KIF16B: variants seen among roughly 807,000 people sequenced by gnomAD.
KIF16B encodes kinesin-like protein KIF16B.
A neutral mutation model predicts 156.3 loss-of-function variants in KIF16B; 98 were observed. The ratio of observed to expected loss-of-function variants is 0.63; its 90% CI spans 0.53 to 0.74. The LOEUF (loss-of-function observed/expected upper bound fraction) is 0.74, where lower values mean the gene tolerates loss of function less well. Among genes scored for constraint, KIF16B ranks in the 30% least tolerant of loss-of-function variants. The probability of loss-of-function intolerance (pLI) is 0.00; values close to 1 mark genes in which losing one functional copy is unlikely to be tolerated. For missense variants in KIF16B, 1,421 were observed against 1,606.5 expected (o/e 0.88, Z 1.97); for synonymous variants, 564 against 583.7 (o/e 0.97, Z 0.49).
chr20:16,275,055 C>CTTTTT (rs4052896), intron 25 of KIF16B, among the ~76,000 whole-genome samples: 1 of 140,424 alleles, frequency 7.1e-6, no homozygotes, highest in Non-Finnish European at 1.5e-5. Context: ...ATAAATTGTA[C>CTTTTT]TTTTTTTTTT....
chr20:16,404,743 CTATAATGGAG>C (rs2065737993), intron 17 of KIF16B, 60 bp downstream of exon 17: 1 of 1,188,998 alleles, frequency 8.4e-7, no homozygotes, highest in Admixed American at 1.8e-5. Flanking sequence ...TACCTTGTGA[CTATAATGGAG>C]TTGGCACAAT....
intron 17 of KIF16B, among the ~76,000 whole-genome samples, chr20:16,382,572 G>T (rs1442347970): frequency 6.6e-6 from 1 of 152,150 alleles, no homozygotes; most frequent in African/African-American, 2.4e-5. Flanking sequence ...AGTGATTTAG[G>T]TCATTGGGAA....
chr20:16,514,633 G>C (rs993062154), intron 4 of KIF16B, among the ~76,000 whole-genome samples: 4 of 147,944 alleles, frequency 2.7e-5, no homozygotes, highest in Non-Finnish European at 5.9e-5. Context: ...GCTCACGCCT[G>C]TAATCCCAGC....
chr20:16,558,777 G>A (rs754881746), intron 1 of KIF16B, among the ~76,000 whole-genome samples: 12 of 151,754 alleles, frequency 7.9e-5, no homozygotes, highest in South Asian at 2.1e-4. Flanking sequence ...GGTGGTAGGC[G>A]CCTGTAATCC....
At chr20:16,507,837 GACA>G in intron 7 of KIF16B, 118 bp downstream of exon 7, 2 of 1,009,630 alleles carry the variant, frequency 2.0e-6, no homozygotes, top group Non-Finnish European at 3.0e-6. Flanking sequence ...ACAAGAAAAT[GACA>G]GTCAGTCACC....
chr20:16,404,277 T>C (rs2065726314), intron 17 of KIF16B, among the ~76,000 whole-genome samples: 1 of 152,186 alleles, frequency 6.6e-6, no homozygotes, highest in Admixed American at 6.5e-5. Context: ...TGTCATTTTA[T>C]TGATGAAGCA....
At chr20:16,367,342 A>G in intron 22 of KIF16B, 3 of 1,612,914 alleles carry the variant, frequency 1.9e-6, no homozygotes, top group Non-Finnish European at 2.5e-6. Context: ...TTTCTGTAAG[A>G]AGACTAGTTC....
At chr20:16,530,117 G>A (rs927731987) in intron 1 of KIF16B, among the ~76,000 whole-genome samples, 8 of 152,166 alleles carry the variant, frequency 5.3e-5, no homozygotes, top group Non-Finnish European at 1.2e-4. Context: ...ACTAAAATAA[G>A]TCAGGGTTCC....
chr20:16,294,424 G>A (rs2063354238), intron 25 of KIF16B, among the ~76,000 whole-genome samples: 1 of 152,212 alleles, frequency 6.6e-6, no homozygotes, highest in Non-Finnish European at 1.5e-5. Context: ...AGCCAACAAA[G>A]GGGTGTTGCT....
intron 2 of KIF16B, among the ~76,000 whole-genome samples, chr20:16,527,879 A>T (rs962886641): frequency 6.6e-6 from 1 of 152,038 alleles, no homozygotes; most frequent in Non-Finnish European, 1.5e-5. Flanking sequence ...CATCTTGAAA[A>T]TTTTTTTTAA....
chr20:16,306,084 T>G (rs2063537138), intron 25 of KIF16B, among the ~76,000 whole-genome samples: 2 of 152,176 alleles, frequency 1.3e-5, no homozygotes, highest in South Asian at 4.1e-4. Flanking sequence ...CCAAATTACC[T>G]AATACAAGTC....
chr20:16,372,918 G>A (rs144249789), intron 20 of KIF16B, among the ~76,000 whole-genome samples: 9,408 of 152,206 alleles, frequency 0.062, 829 homozygotes, highest in African/African-American at 0.2. Flanking sequence ...GGCTGGTCTT[G>A]AACTCCTGAC....
At chr20:16,558,065 G>A (rs1004975110) in intron 1 of KIF16B, among the ~76,000 whole-genome samples, 8 of 152,154 alleles carry the variant, frequency 5.3e-5, no homozygotes, top group Non-Finnish European at 8.8e-5. Flanking sequence ...TATTTTCAAT[G>A]GAATAACTGA....
intron 23 of KIF16B, among the ~76,000 whole-genome samples, chr20:16,342,981 C>A (rs1178856473): frequency 6.6e-6 from 1 of 152,072 alleles, no homozygotes; most frequent in Non-Finnish European, 1.5e-5. Context: ...AAATTAAAGC[C>A]CTTTTCTGTC....
rs748755675 is a variant in KIF16B, at chr20:16,379,277, G to A, written c.2725C>T (p.Leu909=). The part of the protein sequence containing the change: ...EYRLQYKERQ[L]QYLLQNHLPT... ...AAGTGATTCTGCAGGAGGTACTGTA[G>A]CTGGCGTTCTTTATATTGCAGCCTG... The change falls in exon 19 of 26, where the codon CTA becomes TTA. Residue 909 remains leucine, a synonymous_variant. Transcript: ENST00000354981. 9 of 1,613,762 alleles carry A rather than the reference G, an allele frequency of 5.6e-6. No homozygotes were observed. The highest frequency in any genetic ancestry group is 6.8e-6 in the Non-Finnish European group (8 of 1,180,006).
At chr20:16,313,210 T>C (rs1227655484) in intron 24 of KIF16B, among the ~76,000 whole-genome samples, 2 of 152,218 alleles carry the variant, frequency 1.3e-5, no homozygotes, top group Non-Finnish European at 2.9e-5. Flanking sequence ...GAATTCACTA[T>C]TTCCTTCCTT....
In KIF16B at chr20:16,573,329, C is replaced by T. The variant is rs534312180; in HGVS notation, c.-54G>A. 6 of 1,587,038 alleles carry T rather than the reference C, an allele frequency of 3.8e-6. No individual in the cohort carries two copies. Among genetic ancestry groups the T allele is most frequent in the African/African-American group, 2.7e-5 (2 of 74,218 alleles). On this transcript the variant is annotated 5_prime_UTR_variant, in exon 1 of 26. Transcript: ENST00000354981. The stretch of plus-strand genomic sequence containing the variant: ...TCCCACTAGCCCAGAACTCCGCGGT[C>T]GCCGGCGACGCTGGCTACTCAGATC...
At chr20:16,391,506 G>A (rs2065364671) in intron 17 of KIF16B, among the ~76,000 whole-genome samples, 1 of 152,174 alleles carries the variant, frequency 6.6e-6, no homozygotes, top group Non-Finnish European at 1.5e-5. Context: ...TATGCCGTGA[G>A]ATAAGTACTA....
chr20:16,477,317 C>T (rs1199516553), intron 12 of KIF16B, among the ~76,000 whole-genome samples: 1 of 151,212 alleles, frequency 6.6e-6, no homozygotes, highest in Non-Finnish European at 1.5e-5. Context: ...TCTAAGATCT[C>T]TCTAAACCTT....
Sources: gnomAD v4.1 joint callset for allele counts (sites outside exome capture counted in the v4.1 genomes callset) on GRCh38, gnomAD v4.1.1 for gene constraint, MANE v1.5 for transcripts, NCBI Gene and HGNC (gene_info 2026-07-23, HGNC 2026-07-21) for gene names.